RSU1: variants seen among roughly 807,000 people sequenced by gnomAD.
RSU1 encodes rsu-1.
RSU1 carries 26 observed loss-of-function variants against 31.1 expected under a neutral mutation model. The observed-to-expected ratio is 0.84, with a 90% CI of 0.61 to 1.16. The LOEUF is 1.16. Among genes scored for constraint, RSU1 ranks in the 50% most tolerant of loss-of-function variants. RSU1 has a pLI of 0.00. For synonymous variants in RSU1, 164 were observed against 136.3 expected (o/e 1.20, Z -1.41); for missense variants, 320 against 339.1 (o/e 0.94, Z 0.44).
chr10:16,728,354 A>G (rs1403463928), intron 7 of RSU1, among the ~76,000 whole-genome samples: 1 of 152,216 alleles, frequency 6.6e-6, no homozygotes, highest in Non-Finnish European at 1.5e-5. Flanking sequence ...TTTCTCCCCA[A>G]TATGAAGAAT....
chr10:16,763,624 A>G (rs1027051127), intron 4 of RSU1, among the ~76,000 whole-genome samples: 4 of 152,130 alleles, frequency 2.6e-5, no homozygotes, highest in Admixed American at 6.5e-5. Flanking sequence ...GACCCAGACC[A>G]TAACAATGGG....
At chr10:16,708,891 T>C (rs1384822186) in intron 7 of RSU1, among the ~76,000 whole-genome samples, 1 of 151,922 alleles carries the variant, frequency 6.6e-6, no homozygotes, top group Non-Finnish European at 1.5e-5. Context: ...CCAATATTAA[T>C]AATGGTTAAT....
intron 2 of RSU1, among the ~76,000 whole-genome samples, chr10:16,799,989 G>A (rs1011180787): frequency 6.6e-6 from 1 of 152,104 alleles, no homozygotes; most frequent in African/African-American, 2.4e-5. Flanking sequence ...AAATAATACG[G>A]AATTACGGCA....
At chr10:16,750,500 G>C (rs1018760940) in intron 7 of RSU1, among the ~76,000 whole-genome samples, 5 of 152,238 alleles carry the variant, frequency 3.3e-5, no homozygotes, top group African/African-American at 1.2e-4. Context: ...TAAGCAAAAT[G>C]AGTAAGATTT....
At chr10:16,626,081 G>A (rs368634623) in intron 8 of RSU1, among the ~76,000 whole-genome samples, 12 of 150,382 alleles carry the variant, frequency 8.0e-5, no homozygotes, top group Middle Eastern at 6.9e-3. Context: ...GTCTCACTCC[G>A]TTGCCCAGGC....
chr10:16,759,557 TTAA>T (rs1164087146), intron 4 of RSU1, among the ~76,000 whole-genome samples: 1 of 152,052 alleles, frequency 6.6e-6, no homozygotes, highest in Non-Finnish European at 1.5e-5. Context: ...AACAAGGGAC[TTAA>T]TAAAAACTTC....
chr10:16,790,918 G>A (rs1350042421), intron 2 of RSU1, among the ~76,000 whole-genome samples: 1 of 152,186 alleles, frequency 6.6e-6, no homozygotes, highest in Non-Finnish European at 1.5e-5. Context: ...GGTACAGCCT[G>A]TGGAACTGTG....
intron 2 of RSU1, among the ~76,000 whole-genome samples, chr10:16,784,682 C>A (rs934807557): frequency 5.3e-5 from 8 of 152,180 alleles, no homozygotes; most frequent in Admixed American, 5.2e-4. Flanking sequence ...GAAGCAAAGG[C>A]ACATCTTACA....
intron 8 of RSU1, among the ~76,000 whole-genome samples, chr10:16,686,646 A>T (rs1236642396): frequency 6.6e-6 from 1 of 152,204 alleles, no homozygotes; most frequent in African/African-American, 2.4e-5. Context: ...TAGGAGCTGT[A>T]TAAGGCATGC....
chr10:16,746,951 C>A (rs746701942), intron 7 of RSU1, among the ~76,000 whole-genome samples: 2 of 152,226 alleles, frequency 1.3e-5, no homozygotes, highest in African/African-American at 4.8e-5. Context: ...ATGTGCATTC[C>A]ACTGTCCTGT....
At chr10:16,745,880 G>A (rs1836842864) in intron 7 of RSU1, among the ~76,000 whole-genome samples, 1 of 152,064 alleles carries the variant, frequency 6.6e-6, no homozygotes, top group South Asian at 2.1e-4. Context: ...AAAATAAATG[G>A]GAACCAGTTG....
At chr10:16,698,499 A>C (rs1835725764) in intron 7 of RSU1, among the ~76,000 whole-genome samples, 1 of 152,140 alleles carries the variant, frequency 6.6e-6, no homozygotes, top group Admixed American at 6.5e-5. Flanking sequence ...TCTGAAAATA[A>C]TGTACTAAAG....
chr10:16,620,630 A>G (rs995907543), intron 8 of RSU1, among the ~76,000 whole-genome samples: 1 of 151,884 alleles, frequency 6.6e-6, no homozygotes, highest in African/African-American at 2.4e-5. Context: ...CGGATCATGA[A>G]GTCAGGAGAT....
chr10:16,643,309 A>ATGAT (rs1411074177), intron 8 of RSU1, among the ~76,000 whole-genome samples: 1 of 152,208 alleles, frequency 6.6e-6, no homozygotes, highest in East Asian at 1.9e-4. Flanking sequence ...CTTTGCTTCA[A>ATGAT]TGATTCCTAG....
At chr10:16,635,052 G>A (rs1411779707) in intron 8 of RSU1, among the ~76,000 whole-genome samples, 1 of 152,168 alleles carries the variant, frequency 6.6e-6, no homozygotes. Context: ...CTTCTGGGAA[G>A]AAAACGGACG....
At chr10:16,617,289 G>T (rs1393790195) in intron 8 of RSU1, among the ~76,000 whole-genome samples, 1 of 152,156 alleles carries the variant, frequency 6.6e-6, no homozygotes, top group Non-Finnish European at 1.5e-5. Context: ...GGATGTGAAG[G>T]AACTCTTCAA....
At chr10:16,762,634 G>A (rs1190169372) in intron 4 of RSU1, among the ~76,000 whole-genome samples, 23 of 152,084 alleles carry the variant, frequency 1.5e-4, no homozygotes, top group Non-Finnish European at 2.9e-4. Flanking sequence ...CTAAGCCCAA[G>A]TGAACTTCAA....
At chr10:16,636,863 C>A (rs921412290) in intron 8 of RSU1, among the ~76,000 whole-genome samples, 2 of 152,190 alleles carry the variant, frequency 1.3e-5, no homozygotes, top group Non-Finnish European at 2.9e-5. Context: ...ATCCCCTACC[C>A]CTCACATTCT....
intron 2 of RSU1, among the ~76,000 whole-genome samples, chr10:16,792,777 C>A (rs145187220): frequency 6.6e-6 from 1 of 152,154 alleles, no homozygotes; most frequent in Non-Finnish European, 1.5e-5. Context: ...ACATACAGCA[C>A]GGTGTAAATG....
Sources: gnomAD v4.1 joint callset for allele counts (sites outside exome capture counted in the v4.1 genomes callset) on GRCh38, gnomAD v4.1.1 for gene constraint, MANE v1.5 for transcripts, NCBI Gene and HGNC (gene_info 2026-07-23, HGNC 2026-07-21) for gene names.